CCDC178: variants seen among roughly 807,000 people sequenced by gnomAD.
CCDC178 encodes the protein coiled-coil domain containing 178.
In CCDC178, 126 loss-of-function variants were observed where a neutral mutation model predicts 117.4. That is an observed-to-expected ratio of 1.07 (90% CI 0.93 to 1.24). The LOEUF (loss-of-function observed/expected upper bound fraction) is 1.24, where lower values mean the gene tolerates loss of function less well. Ranked by LOEUF, CCDC178 falls within the 50% of genes most tolerant of loss-of-function variation. The pLI is 0.00. For synonymous variants in CCDC178, 283 were observed against 313.4 expected (o/e 0.90, Z 1.02); for missense variants, 1,030 against 986.9 (o/e 1.04, Z -0.59).
At chr18:33,016,317 C>T (rs994134619) in intron 21 of CCDC178, among the ~76,000 whole-genome samples, 27 of 151,476 alleles carry the variant, frequency 1.8e-4, no homozygotes, top group African/African-American at 5.8e-4. Context: ...CCCAGATCAG[C>T]AAAAAACAAA....
At position 33,302,424 on chromosome 18, in the gene CCDC178, T is replaced by C. The variant is rs575095942; in HGVS notation, c.1023-9112A>G. ...CTCTTCTACACTGCTGGTGGGAATG[T>C]AAACTAGTACAGCTGCTATGGATAA... On this transcript the variant is annotated intron_variant, in intron 11 of 22. Coordinates refer to ENST00000383096, the MANE Select transcript of CCDC178 (RefSeq NM_001105528.4). Among the ~76,000 whole-genome samples the C allele has an allele frequency of 1.9e-4, 29 of 152,306 alleles. No homozygotes were observed. The South Asian group carries it at 3.1e-3, about 16-fold the overall frequency.
rs749399595 is a variant in CCDC178 at position 33,370,035 on chromosome 18, A to T, written c.348+15T>A. The T allele has an allele frequency of 2.5e-5, 38 of 1,531,626 alleles. No homozygotes were observed. Among genetic ancestry groups the T allele is most frequent in the Non-Finnish European group, 3.1e-5 (35 of 1,141,508 alleles). 94.9% of individuals were successfully genotyped at this position (1,531,626 alleles called of 1,614,324 possible). A position where few individuals can be genotyped will look rare whatever the true frequency, so the allele number is the denominator to read the frequency against. ...AAGCTTACCAAAATATCAGCATTTT[A>T]AATTAGTCTCTTACCCTTTTCAAAT... On this transcript the variant is annotated intron_variant, in intron 6 of 22. Coordinates refer to ENST00000383096, the MANE Select transcript of CCDC178 (RefSeq NM_001105528.4).
intron 11 of CCDC178, among the ~76,000 whole-genome samples, chr18:33,309,483 C>T (rs1007548553): frequency 6.6e-6 from 1 of 152,146 alleles, no homozygotes; most frequent in Middle Eastern, 3.4e-3. Context: ...AATTCAAAAT[C>T]TTAAAATTAT....
At chr18:33,162,468 T>C (rs953163492) in intron 20 of CCDC178, among the ~76,000 whole-genome samples, 23 of 152,214 alleles carry the variant, frequency 1.5e-4, no homozygotes, top group African/African-American at 5.5e-4. Context: ...GGGTTACATG[T>C]ACAGGTTTGT....
At chr18:33,153,868 T>C (rs1283612287) in intron 20 of CCDC178, among the ~76,000 whole-genome samples, 1 of 151,890 alleles carries the variant, frequency 6.6e-6, no homozygotes, top group Non-Finnish European at 1.5e-5. Flanking sequence ...AATATATATA[T>C]ATGGTATGCA....
chr18:33,286,184 C>T (rs1330359953), intron 12 of CCDC178, among the ~76,000 whole-genome samples: 2 of 151,914 alleles, frequency 1.3e-5, no homozygotes, highest in African/African-American at 4.8e-5. Context: ...ACTATATTGG[C>T]CAGGCTGGTC....
intron 11 of CCDC178, among the ~76,000 whole-genome samples, chr18:33,314,648 ATTACCTTCACTG>A (rs2062392875): frequency 6.6e-6 from 1 of 152,154 alleles, no homozygotes; most frequent in African/African-American, 2.4e-5. Flanking sequence ...GAAACTGAAA[ATTACCTTCACTG>A]TCGGATCTGA....
chr18:33,371,356 G>A (rs999424495), intron 5 of CCDC178, among the ~76,000 whole-genome samples: 3 of 151,640 alleles, frequency 2.0e-5, no homozygotes, highest in African/African-American at 7.3e-5. Flanking sequence ...ATAAAGCTAA[G>A]CTAAAAATTT....
At chr18:33,178,603 C>T (rs187074870) in intron 20 of CCDC178, among the ~76,000 whole-genome samples, 14 of 152,148 alleles carry the variant, frequency 9.2e-5, no homozygotes, top group Admixed American at 2.0e-4. Context: ...TTTGCAGCTC[C>T]GTACACGAAG....
Position 32,937,776 on chromosome 18 carries a change from C to G in CCDC178, c.*235G>C. 1 of 461,406 alleles carries G rather than the reference C, an allele frequency of 2.2e-6. No homozygotes were observed. The highest frequency in any genetic ancestry group is 3.9e-6 in the Non-Finnish European group (1 of 257,874). 28.6% of individuals were successfully genotyped at this position (461,406 alleles called of 1,614,324 possible). A position where few individuals can be genotyped will look rare whatever the true frequency, so the allele number is the denominator to read the frequency against. ...CAGATGAGGCAAAGCCAATTGCAAT[C>G]AGTCACCCAGAGCTGAAATTAGATC... On this transcript the variant is annotated 3_prime_UTR_variant, in exon 23 of 23. Transcript: ENST00000383096.
At chr18:33,183,761 A>C (rs1388946009) in intron 20 of CCDC178, among the ~76,000 whole-genome samples, 1 of 151,694 alleles carries the variant, frequency 6.6e-6, no homozygotes, top group African/African-American at 2.4e-5. Context: ...TATGCAATTA[A>C]ATAGATTTAT....
chr18:33,300,509 A>G (rs541838101), intron 11 of CCDC178, among the ~76,000 whole-genome samples: 1 of 152,320 alleles, frequency 6.6e-6, no homozygotes, highest in Admixed American at 6.5e-5. Context: ...CTTCTAAGAT[A>G]CTGGTCAAAT....
chr18:33,257,145 C>T (rs1158299353), intron 14 of CCDC178, among the ~76,000 whole-genome samples: 1 of 151,834 alleles, frequency 6.6e-6, no homozygotes, highest in Non-Finnish European at 1.5e-5. Flanking sequence ...AGGGTTTATT[C>T]CTCCAGTGAC....
chr18:33,293,581 A>C (rs980014779), intron 11 of CCDC178, among the ~76,000 whole-genome samples: 5 of 152,206 alleles, frequency 3.3e-5, no homozygotes, highest in African/African-American at 1.2e-4. Flanking sequence ...GGGAGGATTC[A>C]TCGAGCCCAG....
At position 33,092,872 on chromosome 18, in the gene CCDC178, T is replaced by C. The variant is rs770418322; in HGVS notation, c.2277A>G (p.Leu759=). ...TCTGTAGCTGTTGATACTCTTGAGC[T>C]AAACGCAGATTTTCTTCAAGTGAAT... ...IADSLEENLR[L]AQEYQQLQIT... is the part of the protein sequence containing the mutation. The change falls in exon 21 of 23, where the codon TTA becomes TTG. Residue 759 remains leucine (L), a synonymous_variant. Coordinates refer to ENST00000383096, the MANE Select transcript of CCDC178 (RefSeq NM_001105528.4). 3.8e-6 allele frequency: 6 copies of C among 1,570,694 alleles called. No homozygotes were observed. The highest frequency in any genetic ancestry group is 2.6e-6 in the Non-Finnish European group (3 of 1,161,906).
chr18:33,208,653 A>C (rs2059073466), intron 20 of CCDC178, among the ~76,000 whole-genome samples: 1 of 152,084 alleles, frequency 6.6e-6, no homozygotes, highest in East Asian at 1.9e-4. Context: ...AAATTGTGAT[A>C]ATCTTTAGAA....
intron 2 of CCDC178, among the ~76,000 whole-genome samples, chr18:33,418,197 A>G (rs2063972390): frequency 6.6e-6 from 1 of 152,204 alleles, no homozygotes; most frequent in South Asian, 2.1e-4. Flanking sequence ...AACATACACA[A>G]ATTAATAATG....
chr18:33,174,664 G>A (rs369697182), intron 20 of CCDC178, among the ~76,000 whole-genome samples: 2 of 151,924 alleles, frequency 1.3e-5, no homozygotes, highest in African/African-American at 2.4e-5. Context: ...AAATGTCAAC[G>A]CCATTCCATT....
chr18:33,338,894 T>A (rs1431900298), intron 9 of CCDC178, among the ~76,000 whole-genome samples: 1 of 151,994 alleles, frequency 6.6e-6, no homozygotes, highest in Non-Finnish European at 1.5e-5. Context: ...ATAAAATAAA[T>A]AAATAAATAA....
Sources: gnomAD v4.1 joint callset for allele counts (sites outside exome capture counted in the v4.1 genomes callset) on GRCh38, gnomAD v4.1.1 for gene constraint, MANE v1.5 for transcripts, NCBI Gene and HGNC (gene_info 2026-07-23, HGNC 2026-07-21) for gene names.